The following CTTNBP2 variants were observed in gnomAD, a reference collection of about 807,000 sequenced individuals.
CTTNBP2 encodes the protein cortactin-binding protein 2.
Under a neutral mutation model 156.9 loss-of-function variants are expected in CTTNBP2, and 108 were observed. The ratio of observed to expected loss-of-function variants is 0.69; its 90% CI spans 0.59 to 0.81. The LOEUF (loss-of-function observed/expected upper bound fraction) is 0.81, where lower values mean the gene tolerates loss of function less well. Ranked by LOEUF, CTTNBP2 falls within the 30% of genes least tolerant of loss-of-function variation. CTTNBP2 has a pLI of 0.00. For synonymous variants in CTTNBP2, 767 were observed against 751.8 expected, an observed-to-expected ratio of 1.02 and a Z score of -0.33; for missense variants, 1,924 against 2,035.4, an observed-to-expected ratio of 0.95 and a Z score of 1.05.
intron 4 of CTTNBP2, among the ~76,000 whole-genome samples, chr7:117,788,846 G>A (rs1798841538): frequency 6.6e-6 from 1 of 152,074 alleles, no homozygotes; most frequent in Non-Finnish European, 1.5e-5. Context: ...CTAAGCAAAT[G>A]ACATAGAAAC....
At position 117,817,361 on chromosome 7, in the gene CTTNBP2, A is replaced by ATAAATAAATAAATATATATATAT. The variant is rs1298639361; in HGVS notation, c.190-6373_190-6372insATATATATATATTTATTTATTTA. 2.1e-4 allele frequency among the ~76,000 whole-genome samples: 11 copies of ATAAATAAATAAATATATATATAT among 53,284 alleles called. 1 individual carries two copies. Among genetic ancestry groups the ATAAATAAATAAATATATATATAT allele is most frequent in the Non-Finnish European group, 3.4e-4 (10 of 29,456 alleles). The allele number at this position is 53,284 out of a possible 152,430, so 35.0% of individuals were successfully genotyped here. ...AAAAAAAAAAAAAAAAAAAAAAAAA[A>ATAAATAAATAAATATATATATAT]ATATATATATATATATATATATATA... On this transcript the variant is annotated intron_variant, in intron 2 of 22. Coordinates refer to ENST00000160373, the MANE Select transcript of CTTNBP2 (RefSeq NM_033427.3).
At chr7:117,768,318 T>C (rs1448324884) in intron 8 of CTTNBP2, among the ~76,000 whole-genome samples, 1 of 152,048 alleles carries the variant, frequency 6.6e-6, no homozygotes, top group African/African-American at 2.4e-5. Flanking sequence ...TCCCAGCACT[T>C]TGGGAGGCCA....
intron 12 of CTTNBP2, among the ~76,000 whole-genome samples, chr7:117,753,838 G>A (rs1473663018): frequency 6.6e-6 from 1 of 152,130 alleles, no homozygotes. Flanking sequence ...ATGATGGGAT[G>A]ATCTGTGTAG....
chr7:117,859,577 C>A, intron 2 of CTTNBP2, among the ~76,000 whole-genome samples: 1 of 152,168 alleles, frequency 6.6e-6, no homozygotes, highest in Non-Finnish European at 1.5e-5. Flanking sequence ...TACTGGCCTT[C>A]GCAGCTGACT....
intron 12 of CTTNBP2, among the ~76,000 whole-genome samples, chr7:117,753,582 G>A (rs1024448631): frequency 1.3e-5 from 2 of 152,154 alleles, no homozygotes; most frequent in Non-Finnish European, 2.9e-5. Flanking sequence ...TGATAAAAAG[G>A]AATGAGATCG....
In CTTNBP2 at chr7:117,724,702, CCTT is replaced by C. The variant is rs778694261; in HGVS notation, c.4289_4291del (p.Lys1430_Gly1431delinsArg). The C allele has an allele frequency of 2.5e-6, 4 of 1,614,182 alleles. No homozygotes were observed. Among genetic ancestry groups the C allele is most frequent in the Non-Finnish European group, 3.4e-6 (4 of 1,180,028 alleles). On this transcript the variant is annotated inframe_deletion, in exon 19 of 23. Transcript: ENST00000160373. Reference sequence around the variant, plus strand: ...AACTATGGATAAAGGGAAACTTCCTCCTTTGAAATCAGCTGTATGCTGGTCTAG... The same window carrying C: ...AACTATGGATAAAGGGAAACTTCCTCTGAAATCAGCTGTATGCTGGTCTAG...
chr7:117,792,302 T>C lies in CTTNBP2; in HGVS notation c.894A>G (p.Glu298=). The C allele has an allele frequency of 6.2e-7, 1 of 1,614,262 alleles. No individual in the cohort carries two copies. The highest frequency in any genetic ancestry group is 8.5e-7 in the Non-Finnish European group (1 of 1,180,040). Reference sequence around the variant, plus strand: ...ATGCAACAGACCTTGTCACAGTTCCTTCTGTTCCCACAGATATGGAAACCA... The same window carrying C: ...ATGCAACAGACCTTGTCACAGTTCCCTCTGTTCCCACAGATATGGAAACCA... ...RRLVSISVGT[E]GTVTRSVACQ... Residue 298 remains glutamate (E), a synonymous_variant, in exon 4 of 23, where the codon GAA becomes GAG. Coordinates refer to ENST00000160373, the MANE Select transcript of CTTNBP2 (RefSeq NM_033427.3). The surrounding 1 kb of genome is among the most constrained non-coding windows in gnomAD (Gnocchi z 4.2).
chr7:117,824,065 T>G (rs1354115808), intron 2 of CTTNBP2, among the ~76,000 whole-genome samples: 6 of 152,100 alleles, frequency 3.9e-5, no homozygotes, highest in African/African-American at 1.4e-4. Flanking sequence ...AAAAACATGC[T>G]TAGGCGGTAA....
intron 2 of CTTNBP2, among the ~76,000 whole-genome samples, chr7:117,860,935 A>G (rs944910571): frequency 6.6e-6 from 1 of 152,204 alleles, no homozygotes; most frequent in Admixed American, 6.5e-5. Flanking sequence ...TGTGAAACAT[A>G]AAAGGATTTC....
At chr7:117,745,157 G>A (rs1035051951) in intron 14 of CTTNBP2, among the ~76,000 whole-genome samples, 16 of 152,200 alleles carry the variant, frequency 1.1e-4, no homozygotes, top group Admixed American at 5.2e-4. Context: ...ATCTAAGATC[G>A]AAAACTCATT....
chr7:117,831,590 C>T (rs1233989427), intron 2 of CTTNBP2, among the ~76,000 whole-genome samples: 8 of 152,160 alleles, frequency 5.3e-5, no homozygotes, highest in Non-Finnish European at 1.0e-4. Flanking sequence ...AAGTACACAA[C>T]AGCACATTTG....
intron 2 of CTTNBP2, among the ~76,000 whole-genome samples, chr7:117,841,186 G>A (rs1802253805): frequency 6.6e-6 from 1 of 152,158 alleles, no homozygotes; most frequent in Admixed American, 6.5e-5. Flanking sequence ...TGGCCTCACA[G>A]AAGACATCTG....
At chr7:117,748,365 T>C (rs1388083277) in intron 12 of CTTNBP2, among the ~76,000 whole-genome samples, 1 of 152,180 alleles carries the variant, frequency 6.6e-6, no homozygotes, top group East Asian at 1.9e-4. Context: ...TAGTCATAAT[T>C]TTTTTGGATT....
intron 14 of CTTNBP2, among the ~76,000 whole-genome samples, chr7:117,744,341 T>TC (rs1380980665): frequency 6.6e-6 from 1 of 151,856 alleles, no homozygotes; most frequent in Non-Finnish European, 1.5e-5. Context: ...ACACTACCCT[T>TC]CTCTGCCTCT....
chr7:117,755,153 ACAAAGAGTAAAG>A (rs1380354015), intron 12 of CTTNBP2, among the ~76,000 whole-genome samples: 1 of 152,162 alleles, frequency 6.6e-6, no homozygotes, highest in Non-Finnish European at 1.5e-5. Flanking sequence ...AGGAAGGGGG[ACAAAGAGTAAAG>A]CAAAGAAGTC....
intron 12 of CTTNBP2, among the ~76,000 whole-genome samples, chr7:117,750,341 C>A (rs2116588199): frequency 6.6e-6 from 1 of 152,244 alleles, no homozygotes; most frequent in East Asian, 1.9e-4. Flanking sequence ...ATGCAGGAAA[C>A]ATTCAATTTA....
intron 8 of CTTNBP2, among the ~76,000 whole-genome samples, chr7:117,776,181 C>A (rs912869272): frequency 6.6e-6 from 1 of 152,136 alleles, no homozygotes; most frequent in East Asian, 1.9e-4. Context: ...TCACTATTAT[C>A]TTTTTATTCA....
chr7:117,867,743 C>T (rs1237026455), intron 1 of CTTNBP2, among the ~76,000 whole-genome samples: 1 of 152,150 alleles, frequency 6.6e-6, no homozygotes, highest in African/African-American at 2.4e-5. Flanking sequence ...ACTAGGGAAG[C>T]TGCTTGATGT....
At position 117,791,905 on chromosome 7, in the gene CTTNBP2, G is replaced by C; in HGVS notation, c.1291C>G (p.Pro431Ala). The C allele has an allele frequency of 6.2e-7, 1 of 1,614,178 alleles. No individual in the cohort carries two copies. Among genetic ancestry groups the C allele is most frequent in the Non-Finnish European group, 8.5e-7 (1 of 1,180,034 alleles). Residue 431 changes from proline (P) to alanine (A), a missense_variant, in exon 4 of 23, where the codon CCA becomes GCA. Physicochemically the swap from Pro to Ala is conservative, Grantham distance 27. Coordinates refer to ENST00000160373, the MANE Select transcript of CTTNBP2 (RefSeq NM_033427.3). The part of the protein sequence containing the change: ...QAPPMHSLHS[P>A]CANTSLHPGL... ...GGATGCAAAGAGGTGTTGGCACATG[G>C]TGAATGTAAACTGTGCATAGGTGGA...
Sources: gnomAD v4.1 joint callset for allele counts (sites outside exome capture counted in the v4.1 genomes callset) on GRCh38, gnomAD v4.1.1 for gene constraint, Gnocchi (gnomAD v3.1) non-coding constraint, MANE v1.5 for transcripts, NCBI Gene and HGNC (gene_info 2026-07-23, HGNC 2026-07-21) for gene names.